The following SPTBN4 variants were observed in gnomAD, a reference collection of about 807,000 sequenced individuals.
SPTBN4 encodes the protein spectrin beta chain, non-erythrocytic 4.
A neutral mutation model predicts 277.8 loss-of-function variants in SPTBN4; 96 were observed. That is an observed-to-expected ratio of 0.35 (90% CI 0.29 to 0.41). SPTBN4 has a LOEUF of 0.41. SPTBN4 is among the 10% of genes least tolerant of loss of function. The pLI, the probability that SPTBN4 is intolerant of heterozygous loss-of-function variation, is 1.00. For synonymous variants in SPTBN4, 1,481 were observed against 1,580.3 expected (o/e 0.94, Z 1.49); for missense variants, 3,006 against 3,595.7 (o/e 0.84, Z 4.19).
In SPTBN4 at chr19:40,557,274, G is replaced by C. The variant is rs772532941; in HGVS notation, c.5541G>C (p.Gln1847His). The C allele has an allele frequency of 6.2e-7, 1 of 1,613,736 alleles. No homozygotes were observed. The highest frequency in any genetic ancestry group is 8.5e-7 in the Non-Finnish European group (1 of 1,179,932). Reference sequence around the variant, plus strand: ...TCTTCAGTGACGCCCGAGAGCTTCAGGGACAGATTGAGGAGAAGCGGAGGC... The same window carrying C: ...TCTTCAGTGACGCCCGAGAGCTTCACGGACAGATTGAGGAGAAGCGGAGGC... ...HKFFSDAREL[Q>H]GQIEEKRRRL... Residue 1847 changes from glutamine to histidine, a missense_variant, in exon 26 of 36, where the codon CAG becomes CAC. Coordinates refer to ENST00000598249, the MANE Select transcript of SPTBN4 (RefSeq NM_020971.3).
Position 40,520,134 on chromosome 19 carries a change from G to T in SPTBN4, c.3637G>T (p.Val1213Leu), listed in dbSNP as rs1437582367. Reference protein sequence around the residue: ...LFLRDLRQALVVLRNQEMALS... With the variant: ...LFLRDLRQALLVLRNQEMALS... ...CCTGCGGGATCTACGCCAGGCGCTCGTGGTGCTGCGTAACCAGGTGCCCAC... is the reference window on the plus strand; with the variant it reads ...CCTGCGGGATCTACGCCAGGCGCTCTTGGTGCTGCGTAACCAGGTGCCCAC... Residue 1213 changes from valine (V) to leucine (L), a missense_variant, in exon 16 of 36, where the codon GTG becomes TTG. Around this residue, in one of 5 missense-constraint regions of SPTBN4, gnomAD observed 1,759 missense variants for 2,061.5 expected, o/e 0.85. Coordinates refer to ENST00000598249, the MANE Select transcript of SPTBN4 (RefSeq NM_020971.3). 1 of 1,444,454 alleles carries T rather than the reference G, an allele frequency of 6.9e-7. No homozygotes were observed. The highest frequency in any genetic ancestry group is 9.1e-7 in the Non-Finnish European group (1 of 1,099,452). The allele number at this position is 1,444,454 out of a possible 1,614,324, so 89.5% of individuals were successfully genotyped here.
chr19:40,534,340 G>A lies in SPTBN4; in HGVS notation c.4356G>A (p.Leu1452=). The part of the protein sequence containing the change: ...LATVNSQLKK[L]QSMESQVEEW... Reference sequence around the variant, plus strand: ...CTGTCAACAGTCAGCTCAAGAAGCTGCAGGTATGGTCTTCCTGGCCCAGAT... The same window carrying A: ...CTGTCAACAGTCAGCTCAAGAAGCTACAGGTATGGTCTTCCTGGCCCAGAT... Residue 1452 remains leucine, a synonymous_variant, in exon 20 of 36, where the codon CTG becomes CTA. Transcript: ENST00000598249. 2 of 1,613,068 alleles carry A rather than the reference G, an allele frequency of 1.2e-6. No individual in the cohort carries two copies. Among genetic ancestry groups the A allele is most frequent in the Non-Finnish European group, 1.7e-6 (2 of 1,179,828 alleles).
rs1290691215 is a variant in SPTBN4 at position 40,502,656 on chromosome 19, A to G, written c.1204-119A>G. ...CAGTAGTAAAGTGTCATAAGGAAGC[A>G]ATATTTTTTCCAATTTGCATGAAGT... On this transcript the variant is annotated intron_variant, in intron 10 of 35. Transcript: ENST00000598249. The surrounding 1 kb of genome is among the most constrained non-coding windows in gnomAD (Gnocchi z 4.9). The G allele has an allele frequency of 6.1e-6, 9 of 1,485,190 alleles. No individual in the cohort carries two copies. The East Asian group carries it at 1.8e-4, about 30-fold the overall frequency. The allele number at this position is 1,485,190 out of a possible 1,614,324, so 92.0% of individuals were successfully genotyped here.
intron 35 of SPTBN4, among the ~76,000 whole-genome samples, chr19:40,573,169 C>T (rs936278798): frequency 2.6e-5 from 4 of 152,022 alleles, no homozygotes; most frequent in Non-Finnish European, 4.4e-5. Flanking sequence ...ATAAATTAGC[C>T]GGGAGTGGTG....
intron 13 of SPTBN4, among the ~76,000 whole-genome samples, chr19:40,511,326 TC>T (rs2080388806): frequency 6.6e-6 from 1 of 152,038 alleles, no homozygotes; most frequent in African/African-American, 2.4e-5. Flanking sequence ...GAGAATCACA[TC>T]AACCTGGGAG....
In SPTBN4 at chr19:40,534,165, A is replaced by G. The variant is rs773068206; in HGVS notation, c.4181A>G (p.Glu1394Gly). ...KLGEIRQCWA[E>G]LESTTQAKAR... ...GGCGAGATCCGCCAGTGCTGGGCGG[A>G]GCTGGAGAGCACCACCCAGGCCAAG... The change falls in exon 20 of 36, where the codon GAG (glutamate) becomes GGG (glycine). Residue 1394 changes from glutamate (E) to glycine (G), a missense_variant. Transcript: ENST00000598249. 1 of 1,613,568 alleles carries G rather than the reference A, an allele frequency of 6.2e-7. No homozygotes were observed. The highest frequency in any genetic ancestry group is 8.5e-7 in the Non-Finnish European group (1 of 1,179,774).
At chr19:40,530,688 G>C (rs2080656972) in intron 18 of SPTBN4, 1 of 561,314 alleles carries the variant, frequency 1.8e-6, no homozygotes, top group Admixed American at 6.5e-5. Flanking sequence ...GGCCGCGGGA[G>C]GGAGGGGCGG....
At position 40,506,321 on chromosome 19, in the gene SPTBN4, T is replaced by C. The variant is rs779884870; in HGVS notation, c.1751T>C (p.Ile584Thr). ...LQKHGLLEGDIAAQSERVEAL... is the reference protein window; with the variant it reads ...LQKHGLLEGDTAAQSERVEAL... The stretch of plus-strand genomic sequence containing the variant: ...AAGCATGGACTGCTGGAGGGAGACA[T>C]TGCCGCCCAGAGCGAGCGGGTGGAG... The change falls in exon 13 of 36, where the codon ATT becomes ACT. Residue 584 changes from isoleucine (I) to threonine (T), a missense_variant. Transcript: ENST00000598249. 2 of 1,614,050 alleles carry C rather than the reference T, an allele frequency of 1.2e-6. No homozygotes were observed. The highest frequency in any genetic ancestry group is 3.3e-5 in the Admixed American group (2 of 60,006).
chr19:40,472,479 T>C (rs960493371), intron 1 of SPTBN4, 128 bp from the exon 2 acceptor site: 4 of 824,330 alleles, frequency 4.9e-6, no homozygotes, highest in Non-Finnish European at 7.5e-6. Flanking sequence ...GCCTAGGCCT[T>C]ATCATTGTTA....
chr19:40,512,711 A>T lies in SPTBN4; in HGVS notation c.1922A>T (p.Glu641Val). ...EQAARRRAEL[E>V]ASRSLWALLQ... ...GCAGCGCGGCGACGCGCGGAGCTGG[A>T]GGCTTCGCGGAGCCTGTGGGCGCTG... The change falls in exon 14 of 36, where the codon GAG becomes GTG. Residue 641 changes from glutamate to valine, a missense_variant. Coordinates refer to ENST00000598249, the MANE Select transcript of SPTBN4 (RefSeq NM_020971.3). 1 of 1,525,050 alleles carries T rather than the reference A, an allele frequency of 6.6e-7. No individual in the cohort carries two copies. The highest frequency in any genetic ancestry group is 2.6e-5 in the East Asian group (1 of 39,142). The allele number at this position is 1,525,050 out of a possible 1,614,324, so 94.5% of individuals were successfully genotyped here. A position where few individuals can be genotyped will look rare whatever the true frequency, so the allele number is the denominator to read the frequency against.
At chr19:40,539,270 GTC>G (rs1208870259) in intron 20 of SPTBN4, among the ~76,000 whole-genome samples, 5 of 152,222 alleles carry the variant, frequency 3.3e-5, no homozygotes, top group African/African-American at 9.6e-5. Flanking sequence ...TGCTGCCTTC[GTC>G]TCTCCCTCTG....
chr19:40,510,582 T>C (rs814529), intron 13 of SPTBN4, among the ~76,000 whole-genome samples: 33,309 of 152,076 alleles, frequency 0.22, 4,462 homozygotes, highest in African/African-American at 0.37. Context: ...GGATTACAGG[T>C]GTAAGCCACT....
chr19:40,489,030 T>C (rs1409966899), intron 3 of SPTBN4, among the ~76,000 whole-genome samples: 2 of 151,074 alleles, frequency 1.3e-5, no homozygotes, highest in African/African-American at 4.9e-5. Flanking sequence ...ACAAAAAATT[T>C]TTAAAAAATC....
At chr19:40,571,823 A>G in intron 33 of SPTBN4, 196 bp from the exon 34 acceptor site, 1 of 512,494 alleles carries the variant, frequency 2.0e-6, no homozygotes, top group Admixed American at 3.0e-5. Flanking sequence ...AAGGCTTGAT[A>G]CTGAGAGACT....
chr19:40,519,432 C>A lies in SPTBN4; in HGVS notation c.2935C>A (p.Arg979Ser), dbSNP rs543497055. The A allele has an allele frequency of 1.3e-6, 2 of 1,595,460 alleles. No individual in the cohort carries two copies. The highest frequency in any genetic ancestry group is 2.3e-5 in the East Asian group (1 of 42,998). Residue 979 changes from arginine to serine, a missense_variant, in exon 16 of 36, where the codon CGC (arginine) becomes AGC (serine). Transcript: ENST00000598249. This position sits in a 1 kb window ranked among gnomAD's most constrained non-coding sequence, Gnocchi z 5.7. ...WNRIVELVEQ[R>S]KEEMSAVLLV... ...CCGCATCGTGGAGCTAGTGGAACAGCGCAAAGAGGAAATGAGCGCGGTGCT... is the reference window on the plus strand; with the variant it reads ...CCGCATCGTGGAGCTAGTGGAACAGAGCAAAGAGGAAATGAGCGCGGTGCT...
intron 16 of SPTBN4, among the ~76,000 whole-genome samples, chr19:40,520,947 A>G (rs113378726): frequency 2.5e-4 from 38 of 151,210 alleles, no homozygotes; most frequent in African/African-American, 8.5e-4. Flanking sequence ...TTTTCTTTAG[A>G]TAGAGTCTTG....
chr19:40,499,713 G>A (rs1439668005), intron 7 of SPTBN4, among the ~76,000 whole-genome samples: 1 of 152,044 alleles, frequency 6.6e-6, no homozygotes, highest in East Asian at 1.9e-4. Flanking sequence ...GTCTTCCAAA[G>A]TGATGAGAAT....
At chr19:40,496,398 C>T (rs1385548040) in intron 6 of SPTBN4, among the ~76,000 whole-genome samples, 1 of 152,130 alleles carries the variant, frequency 6.6e-6, no homozygotes, top group Admixed American at 6.5e-5. Context: ...GATCCACCCA[C>T]CTCGGCCTCC....
chr19:40,484,941 A>G (rs2080053827), intron 2 of SPTBN4, among the ~76,000 whole-genome samples: 1 of 133,234 alleles, frequency 7.5e-6, no homozygotes, highest in South Asian at 2.3e-4. Context: ...CAAAAAAAAA[A>G]CAAAACAAAA....
Sources: allele counts gnomAD v4.1 joint callset (sites outside exome capture counted in the v4.1 genomes callset), GRCh38; gene constraint gnomAD v4.1.1; regional missense constraint gnomAD v4.1.1; non-coding constraint Gnocchi (gnomAD v3.1); transcripts MANE v1.5; gene names NCBI Gene and HGNC (gene_info 2026-07-23, HGNC 2026-07-21).